Variants in GDPD4 observed in about 807,000 individuals in gnomAD.
GDPD4 encodes the protein glycerophosphodiester phosphodiesterase domain containing 4.
GDPD4 carries 60 observed loss-of-function variants against 67.8 expected under a neutral mutation model. The observed-to-expected ratio is 0.88, with a 90% confidence interval of 0.72 to 1.10. The LOEUF (loss-of-function observed/expected upper bound fraction) is 1.10, where lower values mean the gene tolerates loss of function less well. Among genes scored for constraint, GDPD4 ranks in the 50% least tolerant of loss-of-function variants. The pLI, the probability that GDPD4 is intolerant of heterozygous loss-of-function variation, is 0.00. For synonymous variants in GDPD4, 212 were observed against 210.9 expected (o/e 1.00, Z -0.04); for missense variants, 623 against 613.9 (o/e 1.01, Z -0.16).
rs1420786913 is a variant in GDPD4 at position 77,278,164 on chromosome 11, G to C, written c.147+1142C>G. Among the ~76,000 whole-genome samples the C allele has an allele frequency of 2.0e-5, 3 of 152,066 alleles. No individual in the cohort carries two copies. The East Asian group carries it at 5.8e-4, about 29-fold the overall frequency. On this transcript the variant is annotated intron_variant, in intron 4 of 16. Coordinates refer to ENST00000315938, the MANE Select transcript of GDPD4 (RefSeq NM_182833.3). The stretch of plus-strand genomic sequence containing the variant: ...GAGTGCTTTACTTCTAACCATGTTA[G>C]CCAGGATGGTCTCGATCTCCTGACC...
chr11:77,268,521 T>C lies in GDPD4; in HGVS notation c.643A>G (p.Met215Val), dbSNP rs1342875100. The C allele has an allele frequency of 1.9e-6, 3 of 1,612,786 alleles. No individual in the cohort carries two copies. The highest frequency in any genetic ancestry group is 2.2e-5 in the East Asian group (1 of 44,840). ...GAPMLGPENT[M>V]MSFEKAVEHG... ...TCAACAGCTTTCTCAAAGGACATCA[T>C]GGTATTCTCAGGCCCCAACTGTAGA... Residue 215 changes from methionine (M) to valine (V), a missense_variant, in exon 10 of 17, where the codon ATG (methionine) becomes GTG (valine). By Grantham distance (21) the Met-to-Val change is conservative. Transcript: ENST00000315938.
chr11:77,224,269 C>G lies in GDPD4; in HGVS notation c.1525+3595G>C, dbSNP rs187908690. 5.2e-5 allele frequency: 8 copies of G among 152,658 alleles called. No individual in the cohort carries two copies. In the East Asian group the frequency reaches 1.5e-3, roughly 29 times the overall value. The allele number at this position is 152,658 out of a possible 1,614,324, so 9.5% of individuals were successfully genotyped here. ...TGGAAATGCAGAAATCACCCGTCTT[C>G]TGCGTCAATCACGCTGGGAGCTGCA... On this transcript the variant is annotated intron_variant, in intron 16 of 16. Transcript: ENST00000315938.
rs113858955 is a variant in GDPD4 at position 77,293,781 on chromosome 11, C to G, written c.-253-6361G>C. Reference sequence around the variant, plus strand: ...GAATATATTAAAAGCCAATAGCTAACTTCAAACTTAATAGTGAAAGATTGA... The same window carrying G: ...GAATATATTAAAAGCCAATAGCTAAGTTCAAACTTAATAGTGAAAGATTGA... On this transcript the variant is annotated intron_variant, in intron 1 of 16. Transcript: ENST00000315938. Among the ~76,000 whole-genome samples, 538 of 152,220 alleles carry G rather than the reference C, an allele frequency of 3.5e-3. 2 individuals carry two copies. The highest frequency in any genetic ancestry group is 0.012 in the African/African-American group (501 of 41,538).
intron 15 of GDPD4, 80 bp downstream of exon 15, chr11:77,229,070 G>A (rs1452229142): frequency 1.1e-5 from 7 of 663,914 alleles, no homozygotes; most frequent in African/African-American, 5.5e-5. Context: ...CGGGAAGAGC[G>A]TAACTCTTAT....
rs1959642841 is a variant in GDPD4 at position 77,279,301 on chromosome 11, C to G, written c.147+5G>C. 8 of 1,584,944 alleles carry G rather than the reference C, an allele frequency of 5.0e-6. No homozygotes were observed. The highest frequency in any genetic ancestry group is 6.9e-6 in the Non-Finnish European group (8 of 1,153,298). On this transcript the variant is annotated splice_donor_5th_base_variant and intron_variant, in intron 4 of 16. Coordinates refer to ENST00000315938, the MANE Select transcript of GDPD4 (RefSeq NM_182833.3). Reference sequence around the variant, plus strand: ...GGAGTGGAAGAAATGAGAAGCATTACTCACCAACAGCAATGAAGAGTAGGC... The same window carrying G: ...GGAGTGGAAGAAATGAGAAGCATTAGTCACCAACAGCAATGAAGAGTAGGC...
At chr11:77,278,253 G>C (rs1471089504) in intron 4 of GDPD4, among the ~76,000 whole-genome samples, 1 of 152,050 alleles carries the variant, frequency 6.6e-6, no homozygotes, top group Non-Finnish European at 1.5e-5. Flanking sequence ...ACAGTGCCTG[G>C]CCCCCCATTA....
chr11:77,285,060 T>C (rs774970130), intron 3 of GDPD4, 25 bp downstream of exon 3: 1 of 1,575,528 alleles, frequency 6.3e-7, no homozygotes, highest in Non-Finnish European at 8.7e-7. Context: ...CTTACACAAA[T>C]GAAACTACAA....
At chr11:77,239,635 T>G (rs1958627244) in intron 13 of GDPD4, among the ~76,000 whole-genome samples, 1 of 151,548 alleles carries the variant, frequency 6.6e-6, no homozygotes, top group Non-Finnish European at 1.5e-5. Flanking sequence ...ACCAAGGAGG[T>G]GAAAGATCTG....
intron 10 of GDPD4, among the ~76,000 whole-genome samples, chr11:77,266,263 G>T (rs927616872): frequency 6.6e-6 from 1 of 152,214 alleles, no homozygotes; most frequent in Middle Eastern, 3.4e-3. Flanking sequence ...ATATATGACA[G>T]TGGCCCCATA....
At chr11:77,262,089 G>A (rs888184514) in intron 10 of GDPD4, among the ~76,000 whole-genome samples, 2 of 152,168 alleles carry the variant, frequency 1.3e-5, no homozygotes, top group Non-Finnish European at 2.9e-5. Context: ...AAGGGAATGG[G>A]AAACTGGTTT....
intron 11 of GDPD4, among the ~76,000 whole-genome samples, chr11:77,249,057 G>C (rs1958836584): frequency 6.6e-6 from 1 of 151,716 alleles, no homozygotes; most frequent in Non-Finnish European, 1.5e-5. Flanking sequence ...ACAAGGTCAA[G>C]AGATCGAGAC....
chr11:77,297,106 A>G (rs1937998456), intron 1 of GDPD4, among the ~76,000 whole-genome samples: 2 of 151,878 alleles, frequency 1.3e-5, no homozygotes, highest in Non-Finnish European at 2.9e-5. Context: ...CACACAAAGT[A>G]TTTACAGGTA....
At chr11:77,221,225 C>CTCTA (rs762012496) in intron 16 of GDPD4, among the ~76,000 whole-genome samples, 46 of 152,132 alleles carry the variant, frequency 3.0e-4, no homozygotes, top group Non-Finnish European at 4.7e-4. Flanking sequence ...TTTTTTGTGT[C>CTCTA]TCTATCTCCT....
intron 1 of GDPD4, among the ~76,000 whole-genome samples, chr11:77,298,717 A>C (rs1938062260): frequency 6.6e-6 from 1 of 152,210 alleles, no homozygotes; most frequent in Admixed American, 6.5e-5. Context: ...TGGAAGAAAA[A>C]GATCTAGCTA....
chr11:77,218,625 T>C (rs1208593643), intron 16 of GDPD4, among the ~76,000 whole-genome samples: 1 of 152,124 alleles, frequency 6.6e-6, no homozygotes, highest in African/African-American at 2.4e-5. Context: ...CTCCTATGAG[T>C]GAGAACATGC....
intron 13 of GDPD4, among the ~76,000 whole-genome samples, chr11:77,236,305 G>A (rs1958567355): frequency 6.6e-6 from 1 of 151,844 alleles, no homozygotes; most frequent in African/African-American, 2.4e-5. Flanking sequence ...TTTACATTAG[G>A]TATATCTCCT....
rs1381065216 is a variant in GDPD4, at chr11:77,260,326, GGA to G, written c.708-1786_708-1785del. Among the ~76,000 whole-genome samples the G allele has an allele frequency of 6.5e-4, 98 of 150,586 alleles. 1 individual carries two copies. Among genetic ancestry groups the G allele is most frequent in the African/African-American group, 2.3e-3 (91 of 40,330 alleles). ...CATCTCAGAAAAAAAAATGGTCGGG[GGA>G]GGGGGGGGAATAATTTAGAACTACA... is the stretch of plus-strand genomic sequence containing the variant. On this transcript the variant is annotated intron_variant, in intron 10 of 16. Coordinates refer to ENST00000315938, the MANE Select transcript of GDPD4 (RefSeq NM_182833.3).
At chr11:77,242,936 A>ATCTATAGT (rs759101082) in intron 13 of GDPD4, among the ~76,000 whole-genome samples, 1,769 of 17,170 alleles carry the variant, frequency 0.1, 17 homozygotes, top group Non-Finnish European at 0.28. Context: ...TCTATAATCT[A>ATCTATAGT]TTATAGATAG....
intron 1 of GDPD4, among the ~76,000 whole-genome samples, chr11:77,289,932 C>T (rs1263081343): frequency 6.6e-6 from 1 of 151,992 alleles, no homozygotes; most frequent in Non-Finnish European, 1.5e-5. Flanking sequence ...ACCAAGTACT[C>T]GAATTTTGGA....
Sources: allele counts gnomAD v4.1 joint callset (sites outside exome capture counted in the v4.1 genomes callset), GRCh38; gene constraint gnomAD v4.1.1; transcripts MANE v1.5; gene names NCBI Gene and HGNC (gene_info 2026-07-23, HGNC 2026-07-21).